Variants in PTPRD observed in about 807,000 individuals in gnomAD.
The protein encoded by PTPRD is receptor-type tyrosine-protein phosphatase delta.
In PTPRD, 34 loss-of-function variants were observed where a neutral mutation model predicts 214.5. The observed-to-expected ratio is 0.16, with a 90% CI of 0.12 to 0.21. The LOEUF is 0.21. Ranked by LOEUF, PTPRD falls within the 10% of genes least tolerant of loss-of-function variation. The pLI is 1.00. For missense variants in PTPRD, 2,545 were observed against 2,398.7 expected (o/e 1.06, Z -1.27); for synonymous variants, 1,128 against 845.7 (o/e 1.33, Z -5.79).
At chr9:9,260,184 G>T (rs2099979469) in intron 9 of PTPRD, among the ~76,000 whole-genome samples, 1 of 151,772 alleles carries the variant, frequency 6.6e-6, no homozygotes, top group Non-Finnish European at 1.5e-5. Context: ...AAGTAAAAAT[G>T]GGCAAAGAAA....
intron 7 of PTPRD, among the ~76,000 whole-genome samples, chr9:9,730,673 A>T (rs190404333): frequency 1.3e-4 from 20 of 152,240 alleles, no homozygotes; most frequent in African/African-American, 4.3e-4. Context: ...ATAGTATCTC[A>T]GTATATATAG....
intron 7 of PTPRD, among the ~76,000 whole-genome samples, chr9:9,678,063 A>T (rs2096973392): frequency 6.6e-6 from 1 of 152,112 alleles, no homozygotes; most frequent in African/African-American, 2.4e-5. Context: ...CTCAAAAAAT[A>T]AAAGAGGATA....
At chr9:8,948,779 C>A (rs543817541) in intron 11 of PTPRD, among the ~76,000 whole-genome samples, 70 of 150,278 alleles carry the variant, frequency 4.7e-4, no homozygotes, top group African/African-American at 1.5e-3. Flanking sequence ...GTGAGTGACT[C>A]AAGAAACACA....
At chr9:10,225,722 C>T (rs1304742948) in intron 3 of PTPRD, among the ~76,000 whole-genome samples, 4 of 152,004 alleles carry the variant, frequency 2.6e-5, no homozygotes, top group Non-Finnish European at 4.4e-5. Flanking sequence ...TGGATACATG[C>T]CTCAACTGCA....
At chr9:8,665,364 T>C (rs1248002711) in intron 12 of PTPRD, among the ~76,000 whole-genome samples, 10 of 152,196 alleles carry the variant, frequency 6.6e-5, no homozygotes, top group Non-Finnish European at 1.5e-4. Flanking sequence ...TGATGTCCAC[T>C]TGAAACTGTA....
At chr9:8,756,323 C>T (rs1286820994) in intron 11 of PTPRD, among the ~76,000 whole-genome samples, 1 of 152,090 alleles carries the variant, frequency 6.6e-6, no homozygotes, top group East Asian at 1.9e-4. Flanking sequence ...TTGTCCCCAC[C>T]CCCGGGAGAC....
chr9:9,335,443 T>G (rs570980398), intron 9 of PTPRD, among the ~76,000 whole-genome samples: 8 of 152,086 alleles, frequency 5.3e-5, no homozygotes, highest in Non-Finnish European at 8.8e-5. Context: ...CACTACGTGT[T>G]TTTAACGGGT....
At chr9:8,323,800 TAAAC>T (rs761105142) in intron 44 of PTPRD, among the ~76,000 whole-genome samples, 7 of 152,168 alleles carry the variant, frequency 4.6e-5, no homozygotes, top group East Asian at 1.9e-4. Flanking sequence ...GAATAGTACA[TAAAC>T]AAAGTTAATA....
chr9:8,955,114 G>C lies in PTPRD; in HGVS notation c.-104+63583C>G, dbSNP rs2099124197. On this transcript the variant is annotated intron_variant, in intron 11 of 45. Coordinates refer to ENST00000381196, the MANE Select transcript of PTPRD (RefSeq NM_002839.4). ...AGTTTACATTATTTGGTCTGGAAGA[G>C]AGAGAGCTGAAGTGGGATATAATAA... 3.3e-5 allele frequency among the ~76,000 whole-genome samples: 5 copies of C among 151,908 alleles called. 1 individual carries two copies. The South Asian group carries it at 1.0e-3, about 31-fold the overall frequency.
intron 11 of PTPRD, among the ~76,000 whole-genome samples, chr9:8,753,399 G>A (rs546578884): frequency 1.5e-4 from 23 of 152,212 alleles, no homozygotes; most frequent in Non-Finnish European, 1.0e-4. Context: ...TTCTGCCGGG[G>A]GATAAATCCC....
intron 12 of PTPRD, among the ~76,000 whole-genome samples, chr9:8,642,779 T>C (rs1268297374): frequency 3.3e-5 from 5 of 152,162 alleles, no homozygotes; most frequent in Non-Finnish European, 5.9e-5. Context: ...ACATGGGGCA[T>C]CCAGAGTTTG....
intron 4 of PTPRD, among the ~76,000 whole-genome samples, chr9:9,951,954 C>G (rs1770601211): frequency 6.6e-6 from 1 of 152,226 alleles, no homozygotes; most frequent in Admixed American, 6.5e-5. Context: ...GGCCCTGGCC[C>G]AAATATATAT....
intron 2 of PTPRD, among the ~76,000 whole-genome samples, chr9:10,461,460 A>G (rs957983119): frequency 6.6e-6 from 1 of 152,044 alleles, no homozygotes; most frequent in African/African-American, 2.4e-5. Flanking sequence ...CAATGAAAAA[A>G]TGGATGAAGA....
At chr9:9,196,890 T>C (rs1466223910) in intron 9 of PTPRD, among the ~76,000 whole-genome samples, 3 of 152,196 alleles carry the variant, frequency 2.0e-5, no homozygotes, top group Non-Finnish European at 4.4e-5. Context: ...TGATTCTTGC[T>C]ATTCTCCTGT....
chr9:8,835,514 A>T (rs2097399167), intron 11 of PTPRD, among the ~76,000 whole-genome samples: 1 of 152,052 alleles, frequency 6.6e-6, no homozygotes, highest in South Asian at 2.1e-4. Flanking sequence ...CTTTGCCCTG[A>T]CAAGTTTTAC....
At chr9:10,331,237 T>C (rs1012014333) in intron 3 of PTPRD, among the ~76,000 whole-genome samples, 2 of 151,876 alleles carry the variant, frequency 1.3e-5, no homozygotes, top group Non-Finnish European at 2.9e-5. Context: ...GGAGTGCTAC[T>C]GCAATAAAAA....
rs74552116 is a variant in PTPRD, at chr9:9,107,352, G to A, written c.-143+75952C>T. 4.8e-3 allele frequency among the ~76,000 whole-genome samples: 725 copies of A among 152,260 alleles called. 5 individuals are homozygous for A. The highest frequency in any genetic ancestry group is 0.017 in the African/African-American group (690 of 41,546). ...GGCGTTAAAACACTAAGAATGTACCGAACAAGCTGCATGCTTGATTGCCAA... is the reference window on the plus strand; with the variant it reads ...GGCGTTAAAACACTAAGAATGTACCAAACAAGCTGCATGCTTGATTGCCAA... On this transcript the variant is annotated intron_variant, in intron 10 of 45. Transcript: ENST00000381196.
intron 44 of PTPRD, among the ~76,000 whole-genome samples, chr9:8,327,658 T>C (rs897867626): frequency 2.0e-5 from 3 of 152,112 alleles, no homozygotes; most frequent in African/African-American, 4.8e-5. Context: ...CCACTATTAT[T>C]GTGTGGGAGT....
chr9:8,836,816 T>C (rs2097435417), intron 11 of PTPRD, among the ~76,000 whole-genome samples: 1 of 151,810 alleles, frequency 6.6e-6, no homozygotes, highest in Admixed American at 6.6e-5. Flanking sequence ...CAGGATGGTC[T>C]TGATCTCCTG....
Sources: allele counts gnomAD v4.1 joint callset (sites outside exome capture counted in the v4.1 genomes callset), GRCh38; gene constraint gnomAD v4.1.1; transcripts MANE v1.5; gene names NCBI Gene and HGNC (gene_info 2026-07-23, HGNC 2026-07-21).